The following MYH16 variants were observed in gnomAD, a reference collection of about 807,000 sequenced individuals.
MYH16 encodes the protein putative uncharacterized protein MYH16.
chr7:99,247,236 G>T (rs1374270747), intron 2 of MYH16, among the ~76,000 whole-genome samples: 1 of 152,170 alleles, frequency 6.6e-6, no homozygotes, highest in African/African-American at 2.4e-5. Flanking sequence ...ACAGTGGCAC[G>T]ATCTTGGCTC....
At chr7:99,305,082 A>G (rs1008480838) in intron 40 of MYH16, among the ~76,000 whole-genome samples, 1 of 152,050 alleles carries the variant, frequency 6.6e-6, no homozygotes, top group Admixed American at 6.6e-5. Context: ...CCAGCTACTC[A>G]GGAGGCTGAG....
chr7:99,301,098 G>A (rs1268801656), intron 37 of MYH16, among the ~76,000 whole-genome samples: 1 of 149,472 alleles, frequency 6.7e-6, no homozygotes, highest in Non-Finnish European at 1.5e-5. Context: ...GGGAAGGTGA[G>A]GCAGGAGAAT....
intron 3 of MYH16, among the ~76,000 whole-genome samples, chr7:99,248,134 C>T (rs561845079): frequency 6.6e-6 from 1 of 152,076 alleles, no homozygotes. Context: ...GATAGAGTTT[C>T]GCTCTTGTCA....
rs1222384298 is a variant in MYH16 at position 99,294,010 on chromosome 7, A to T, written n.4150-8A>T. 2.2e-6 allele frequency: 1 copy of T among 450,672 alleles called. No individual in the cohort carries two copies. Among genetic ancestry groups the T allele is most frequent in the South Asian group, 1.6e-5 (1 of 63,754 alleles). 27.9% of individuals were successfully genotyped at this position (450,672 alleles called of 1,614,324 possible). A position where few individuals can be genotyped will look rare whatever the true frequency, so the allele number is the denominator to read the frequency against. ...TTCCTTGACAGCCCCTCTGGCCCTCATTTGCAGGAGGAAGCTGGCCGCCAG... is the reference window on the plus strand; with the variant it reads ...TTCCTTGACAGCCCCTCTGGCCCTCTTTTGCAGGAGGAAGCTGGCCGCCAG... On this transcript the variant is annotated splice_region_variant and splice_polypyrimidine_tract_variant and intron_variant and non_coding_transcript_variant, in intron 32 of 41. Transcript: ENST00000439784.
At chr7:99,258,511 C>T (rs1049515449) in intron 11 of MYH16, 9 of 152,378 alleles carry the variant, frequency 5.9e-5, no homozygotes, top group Non-Finnish European at 1.0e-4. Context: ...TGGGGCAGAC[C>T]AATCTCGGTT....
chr7:99,240,409 C>G (rs2150803171), intron 1 of MYH16, among the ~76,000 whole-genome samples: 1 of 152,288 alleles, frequency 6.6e-6, no homozygotes, highest in Admixed American at 6.5e-5. Context: ...ACTCTGCTCC[C>G]TCCAAACCGC....
chr7:99,305,429 G>A (rs954747855), intron 40 of MYH16, among the ~76,000 whole-genome samples: 2 of 152,140 alleles, frequency 1.3e-5, no homozygotes, highest in Non-Finnish European at 1.5e-5. Flanking sequence ...TGCCAGAGCT[G>A]GAAGGGCCCA....
At chr7:99,285,806 A>G (rs375050799) in intron 27 of MYH16, among the ~76,000 whole-genome samples, 1 of 152,244 alleles carries the variant, frequency 6.6e-6, no homozygotes. Context: ...GTGTAAACAG[A>G]GAAAGCACGT....
chr7:99,240,839 C>CAAA (rs5886099), intron 1 of MYH16, among the ~76,000 whole-genome samples: 11 of 143,936 alleles, frequency 7.6e-5, no homozygotes, highest in African/African-American at 2.1e-4. Context: ...AACCTTGTCT[C>CAAA]AAAAAAAAAA....
chr7:99,266,932 C>T (rs1791993680), exon 18 of MYH16: 1 of 152,634 alleles, frequency 6.6e-6, no homozygotes, highest in Admixed American at 6.5e-5. Flanking sequence ...TGCTTGCAGC[C>T]ATTGACCTAG....
At chr7:99,242,661 T>A (rs1470984520) in intron 1 of MYH16, among the ~76,000 whole-genome samples, 2 of 152,042 alleles carry the variant, frequency 1.3e-5, no homozygotes, top group Non-Finnish European at 2.9e-5. Context: ...AAATTAAAAA[T>A]TTAAAAAGGA....
intron 2 of MYH16, among the ~76,000 whole-genome samples, chr7:99,243,966 C>T (rs1010329316): frequency 1.3e-5 from 2 of 151,790 alleles, no homozygotes; most frequent in African/African-American, 4.8e-5. Flanking sequence ...TCAACCCAAA[C>T]ATCCAAACAT....
chr7:99,290,486 C>CAA (rs57166125), intron 30 of MYH16, among the ~76,000 whole-genome samples: 1,129 of 55,426 alleles, frequency 0.02, 26 homozygotes, highest in African/African-American at 0.061. Flanking sequence ...GACCCTGTCT[C>CAA]AAAAAAAAAA....
At position 99,277,639 on chromosome 7, in the gene MYH16, A is replaced by G. The variant is rs532668174; in HGVS notation, n.2586A>G. On this transcript the variant is annotated non_coding_transcript_exon_variant, in exon 21 of 42. Transcript: ENST00000439784. ...GCCCAAACCCAGGAGTTGGTAAACA[A>G]GGTCAAGGAACTGGAGGAGAAGACA... 36 of 457,042 alleles carry G rather than the reference A, an allele frequency of 7.9e-5. No homozygotes were observed. In the East Asian group the frequency reaches 1.9e-3, roughly 24 times the overall value. 28.3% of individuals were successfully genotyped at this position (457,042 alleles called of 1,614,324 possible).
At chr7:99,248,140 T>C (rs1264628294) in intron 3 of MYH16, among the ~76,000 whole-genome samples, 1 of 152,242 alleles carries the variant, frequency 6.6e-6, no homozygotes, top group African/African-American at 2.4e-5. Context: ...GTTTCGCTCT[T>C]GTCATCCAAG....
intron 18 of MYH16, chr7:99,267,016 C>G (rs1791994324): frequency 6.5e-6 from 1 of 152,680 alleles, no homozygotes; most frequent in Admixed American, 6.5e-5. Flanking sequence ...ACCCCCTCAG[C>G]CTTTTTCCAA....
At chr7:99,261,260 T>C (rs1032575477) in intron 12 of MYH16, 2 of 152,274 alleles carry the variant, frequency 1.3e-5, no homozygotes, top group African/African-American at 4.8e-5. Context: ...CAAGTCTTAA[T>C]GGCCATGGTG....
intron 3 of MYH16, among the ~76,000 whole-genome samples, chr7:99,248,046 G>A (rs1791755335): frequency 1.3e-5 from 2 of 152,200 alleles, no homozygotes. Context: ...TCAGAGCTCA[G>A]TACTCTTAAC....
At chr7:99,268,923 C>T (rs1178621445) in intron 18 of MYH16, among the ~76,000 whole-genome samples, 3 of 152,082 alleles carry the variant, frequency 2.0e-5, no homozygotes, top group East Asian at 3.9e-4. Flanking sequence ...TTTGGGTTCC[C>T]GCAGCTCAGA....
Sources: allele counts gnomAD v4.1 joint callset (sites outside exome capture counted in the v4.1 genomes callset), GRCh38; gene constraint gnomAD v4.1.1; transcripts MANE v1.5; gene names NCBI Gene and HGNC (gene_info 2026-07-23, HGNC 2026-07-21).